RBSN: variants seen among roughly 807,000 people sequenced by gnomAD.
The protein encoded by RBSN is rabenosyn-5.
A neutral mutation model predicts 60.5 loss-of-function variants in RBSN; 34 were observed. The ratio of observed to expected loss-of-function variants is 0.56; its 90% confidence interval spans 0.43 to 0.75. The LOEUF (loss-of-function observed/expected upper bound fraction) is 0.75, where lower values mean the gene tolerates loss of function less well. RBSN is among the 30% of genes least tolerant of loss of function. The pLI is 0.00. For synonymous variants in RBSN, 322 were observed against 366.9 expected (o/e 0.88, Z 1.40); for missense variants, 845 against 986.8 (o/e 0.86, Z 1.92).
chr3:15,087,106 G>A (rs1474732483), intron 5 of RBSN, among the ~76,000 whole-genome samples: 2 of 152,020 alleles, frequency 1.3e-5, no homozygotes, highest in Non-Finnish European at 2.9e-5. Flanking sequence ...TTATACACTG[G>A]GAAATGGCTA....
At position 15,085,962 on chromosome 3, in the gene RBSN, C is replaced by G; in HGVS notation, c.290-1G>C. On this transcript the variant is annotated splice_acceptor_variant, in intron 5 of 13. Coordinates refer to ENST00000253699, the MANE Select transcript of RBSN (RefSeq NM_022340.4). LOFTEE classifies it high-confidence loss of function. ...TCGGAAAGATGGCTTCTCACAGCAC[C>G]TAGAGGGAAGGAAGGTAGGGAGACA... 6.2e-7 allele frequency: 1 copy of G among 1,613,318 alleles called. No individual in the cohort carries two copies. The highest frequency in any genetic ancestry group is 8.5e-7 in the Non-Finnish European group (1 of 1,179,498).
rs898899810 is a variant in RBSN, at chr3:15,084,145, G to A, written c.598+590C>T. Among the ~76,000 whole-genome samples, 1 of 152,106 alleles carries A rather than the reference G, an allele frequency of 6.6e-6. No individual in the cohort carries two copies. The highest frequency in any genetic ancestry group is 2.4e-5 in the African/African-American group (1 of 41,420). On this transcript the variant is annotated intron_variant, in intron 8 of 13. Coordinates refer to ENST00000253699, the MANE Select transcript of RBSN (RefSeq NM_022340.4). The surrounding 1 kb of genome is among the most constrained non-coding windows in gnomAD (Gnocchi z 4.2). ...ATTTATTTATTTTTTTGAGATGGGA[G>A]TCTCGCTCGGTCACCCAGGCTGAAG... is the stretch of plus-strand genomic sequence containing the variant.
Position 15,084,806 on chromosome 3 carries a change from C to G in RBSN, c.527G>C (p.Arg176Pro), listed in dbSNP as rs578256587. Residue 176 changes from arginine (R) to proline (P), a missense_variant, in exon 8 of 14, where the codon CGC (arginine) becomes CCC (proline). Transcript: ENST00000253699. The surrounding 1 kb of genome is among the most constrained non-coding windows in gnomAD (Gnocchi z 4.2). ...AGACCCGCAGAGGCGGCAGTGGTGG[C>G]GGCGGTTCCGGATGCTGAACTTATT... ...CGNKFSIRNR[R>P]HHCRLCGSIM... 6.2e-7 allele frequency: 1 copy of G among 1,614,156 alleles called. No individual in the cohort carries two copies. Among genetic ancestry groups the G allele is most frequent in the Non-Finnish European group, 8.5e-7 (1 of 1,180,028 alleles).
rs2043095541 is a variant in RBSN at position 15,077,969 on chromosome 3, C to T, written c.998+106G>A. On this transcript the variant is annotated intron_variant, in intron 11 of 13. Transcript: ENST00000253699. The surrounding 1 kb of genome is among the most constrained non-coding windows in gnomAD (Gnocchi z 4.4). ...CCTTGCCCTCCTCCTCACCCACTGCCCCATCACCAGAAGTCTGAGTGAGTG... is the reference window on the plus strand; with the variant it reads ...CCTTGCCCTCCTCCTCACCCACTGCTCCATCACCAGAAGTCTGAGTGAGTG... 1.1e-6 allele frequency: 1 copy of T among 951,552 alleles called. No homozygotes were observed. Among genetic ancestry groups the T allele is most frequent in the Non-Finnish European group, 1.7e-6 (1 of 596,938 alleles). 58.9% of individuals were successfully genotyped at this position (951,552 alleles called of 1,614,324 possible).
chr3:15,085,955 A>ACAGCAC lies in RBSN; in HGVS notation c.290_295dup (p.Gly97_Ala98dup). ...TTTGAAGTCGGAAAGATGGCTTCTC[A>ACAGCAC]CAGCACCTAGAGGGAAGGAAGGTAG... On this transcript the variant is annotated inframe_insertion, in exon 6 of 14. Coordinates refer to ENST00000253699, the MANE Select transcript of RBSN (RefSeq NM_022340.4). 6.2e-7 allele frequency: 1 copy of ACAGCAC among 1,613,692 alleles called. No individual in the cohort carries two copies. Among genetic ancestry groups the ACAGCAC allele is most frequent in the Non-Finnish European group, 8.5e-7 (1 of 1,179,724 alleles).
In RBSN at chr3:15,073,701, C is replaced by T. The variant is rs189564761; in HGVS notation, c.*81G>A. 5.6e-5 allele frequency: 82 copies of T among 1,462,326 alleles called. No homozygotes were observed. The East Asian group carries it at 1.1e-3, about 19-fold the overall frequency. 90.6% of individuals were successfully genotyped at this position (1,462,326 alleles called of 1,614,324 possible). On this transcript the variant is annotated 3_prime_UTR_variant, in exon 14 of 14. Transcript: ENST00000253699. ...TGAGTTCTCACCCTGCCACCTTCCC[C>T]ATCCATCCTGCCTGCCCTCTGTCCT...
Position 15,074,885 on chromosome 3 carries a change from G to C in RBSN, c.1252C>G (p.Leu418Val). 6.2e-7 allele frequency: 1 copy of C among 1,613,798 alleles called. No individual in the cohort carries two copies. The highest frequency in any genetic ancestry group is 8.5e-7 in the Non-Finnish European group (1 of 1,179,934). The change falls in exon 14 of 14, where the codon CTG becomes GTG. Residue 418 changes from leucine (L) to valine (V), a missense_variant. Physicochemically the swap from Leu to Val is conservative, Grantham distance 32. Transcript: ENST00000253699. This position sits in a 1 kb window ranked among gnomAD's most constrained non-coding sequence, Gnocchi z 6.4. ...QRRLEERQSG[L>V]ASRAANGEVA... ...TCCCCGTTGGCCGCTCGAGAAGCCA[G>C]GCCACTCTGCCTTTCCTCAAGCCTT...
At chr3:15,093,722 G>A (rs1398940079) in intron 4 of RBSN, among the ~76,000 whole-genome samples, 1 of 151,838 alleles carries the variant, frequency 6.6e-6, no homozygotes, top group East Asian at 1.9e-4. Flanking sequence ...TTGTTTTTGA[G>A]TCAGAGTTTC....
At chr3:15,088,130 G>A (rs1045062199) in intron 5 of RBSN, among the ~76,000 whole-genome samples, 4 of 152,112 alleles carry the variant, frequency 2.6e-5, no homozygotes, top group African/African-American at 9.7e-5. Flanking sequence ...TGGCAATCAT[G>A]AAACAAGGTA....
In RBSN at chr3:15,082,091, T is replaced by G. The variant is rs1016973341; in HGVS notation, c.840+276A>C. 6.6e-6 allele frequency among the ~76,000 whole-genome samples: 1 copy of G among 152,144 alleles called. No homozygotes were observed. The highest frequency in any genetic ancestry group is 1.5e-5 in the Non-Finnish European group (1 of 68,026). On this transcript the variant is annotated intron_variant, in intron 9 of 13. Transcript: ENST00000253699. The surrounding 1 kb of genome is among the most constrained non-coding windows in gnomAD (Gnocchi z 4.2). ...GTCTACACCACATGGCAACTGCCCTTCCTCCTATTGCCTCTGGGCCACCAA... is the reference window on the plus strand; with the variant it reads ...GTCTACACCACATGGCAACTGCCCTGCCTCCTATTGCCTCTGGGCCACCAA...
chr3:15,076,003 C>T (rs1335784504), intron 12 of RBSN, among the ~76,000 whole-genome samples: 1 of 152,044 alleles, frequency 6.6e-6, no homozygotes, highest in Non-Finnish European at 1.5e-5. Flanking sequence ...TAGCAAACCT[C>T]AATCCCAGCC....
At chr3:15,097,155 C>G (rs1332973191) in intron 2 of RBSN, among the ~76,000 whole-genome samples, 1 of 152,132 alleles carries the variant, frequency 6.6e-6, no homozygotes, top group Non-Finnish European at 1.5e-5. Flanking sequence ...GCCACTGCAC[C>G]CTGACAGATC....
Position 15,073,928 on chromosome 3 carries a change from C to A in RBSN, c.2209G>T (p.Glu737Ter), listed in dbSNP as rs1267848958. 6.8e-6 allele frequency: 11 copies of A among 1,613,988 alleles called. No individual in the cohort carries two copies. The highest frequency in any genetic ancestry group is 9.3e-6 in the Non-Finnish European group (11 of 1,180,024). The change falls in exon 14 of 14, where the codon GAG becomes TAG. Residue 737 changes from glutamate to a stop codon, truncating the protein, a stop_gained. Transcript: ENST00000253699. LOFTEE classifies it high-confidence loss of function. ...GPEAEEPIEE[E>*]LLLQQIDNIK... ...TTATCGATCTGCTGCAGGAGGAGCT[C>A]TTCCTCTATGGGCTCCTCAGCCTCT...
At position 15,074,435 on chromosome 3, in the gene RBSN, G is replaced by A. The variant is rs2042996813; in HGVS notation, c.1702C>T (p.His568Tyr). ...CCTAGATCCAAAGCATAAGCAAGGTGGGTGCGAGGCTCTCTGCTGGGCTCC... is the reference window on the plus strand; with the variant it reads ...CCTAGATCCAAAGCATAAGCAAGGTAGGTGCGAGGCTCTCTGCTGGGCTCC... ...QLEPSREPRT[H>Y]LAYALDLGSS... Residue 568 changes from histidine to tyrosine, a missense_variant, in exon 14 of 14, where the codon CAC (histidine) becomes TAC (tyrosine). Coordinates refer to ENST00000253699, the MANE Select transcript of RBSN (RefSeq NM_022340.4). The surrounding 1 kb of genome is among the most constrained non-coding windows in gnomAD (Gnocchi z 6.4). The A allele has an allele frequency of 6.2e-7, 1 of 1,614,114 alleles. No homozygotes were observed. Among genetic ancestry groups the A allele is most frequent in the Admixed American group, 1.7e-5 (1 of 60,010 alleles).
rs2043082358 is a variant in RBSN, at chr3:15,077,394, G to A, written c.999-230C>T. ...TGTTATGGAGTGACTGACTACACAT[G>A]CAGAGCCAGCTTCACAGGTGAGCAA... On this transcript the variant is annotated intron_variant, in intron 11 of 13. Coordinates refer to ENST00000253699, the MANE Select transcript of RBSN (RefSeq NM_022340.4). This position sits in a 1 kb window ranked among gnomAD's most constrained non-coding sequence, Gnocchi z 4.4. Among the ~76,000 whole-genome samples, 1 of 152,192 alleles carries A rather than the reference G, an allele frequency of 6.6e-6. No homozygotes were observed. The highest frequency in any genetic ancestry group is 6.5e-5 in the Admixed American group (1 of 15,282).
chr3:15,090,304 T>C (rs1240987192), intron 5 of RBSN, 95 bp downstream of exon 5: 1 of 1,382,622 alleles, frequency 7.2e-7, no homozygotes, highest in Non-Finnish European at 9.9e-7. Context: ...CCATTATGGT[T>C]TACTGATGCC....
chr3:15,084,533 C>A lies in RBSN; in HGVS notation c.598+202G>T, dbSNP rs1482847279. On this transcript the variant is annotated intron_variant, in intron 8 of 13. Transcript: ENST00000253699. The surrounding 1 kb of genome is among the most constrained non-coding windows in gnomAD (Gnocchi z 4.2). Reference sequence around the variant, plus strand: ...CTGATCCTTTACAAAGTTTGCCAATCCCTGTTATAGACCACTGTATCCCTG... The same window carrying A: ...CTGATCCTTTACAAAGTTTGCCAATACCTGTTATAGACCACTGTATCCCTG... Among the ~76,000 whole-genome samples the A allele has an allele frequency of 6.6e-6, 1 of 152,220 alleles. No homozygotes were observed. Among genetic ancestry groups the A allele is most frequent in the Non-Finnish European group, 1.5e-5 (1 of 68,046 alleles).
Position 15,073,791 on chromosome 3 carries a change from G to A in RBSN, c.2346C>T (p.Gly782=). The A allele has an allele frequency of 6.2e-7, 1 of 1,600,770 alleles. No individual in the cohort carries two copies. The highest frequency in any genetic ancestry group is 8.5e-7 in the Non-Finnish European group (1 of 1,174,310). ...CCCTCTCCACTGCTGGTCAGTCAGT[G>A]CCCCCCTTCTGCTTGGCCAGGGTGT... ...LKHTLAKQKG[G]TD Residue 782 remains glycine, a synonymous_variant, in exon 14 of 14, where the codon GGC becomes GGT. Transcript: ENST00000253699.
chr3:15,077,071 A>T lies in RBSN; in HGVS notation c.1092T>A (p.Leu364=). The T allele has an allele frequency of 6.2e-7, 1 of 1,614,104 alleles. No homozygotes were observed. The change falls in exon 12 of 14, where the codon CTT becomes CTA. Residue 364 remains leucine, a synonymous_variant. Transcript: ENST00000253699. This position sits in a 1 kb window ranked among gnomAD's most constrained non-coding sequence, Gnocchi z 4.4. ...CCCAGGATGGCTTTACCTGCACAAA[A>T]AGTGTAGCTGAGTATCTGATCATTC... ...LQRMIRYSAT[L]FVQEKLLGLM... is the part of the protein sequence containing the mutation.
Sources: allele counts gnomAD v4.1 joint callset (sites outside exome capture counted in the v4.1 genomes callset), GRCh38; gene constraint gnomAD v4.1.1; non-coding constraint Gnocchi (gnomAD v3.1); transcripts MANE v1.5; gene names NCBI Gene and HGNC (gene_info 2026-07-23, HGNC 2026-07-21).